The following CYFIP2 variants were observed in gnomAD, a reference collection of about 807,000 sequenced individuals.
CYFIP2 encodes the protein cytoplasmic FMR1 interacting protein 2.
CYFIP2 carries 29 observed loss-of-function variants against 158.7 expected under a neutral mutation model. That is an observed-to-expected ratio of 0.18 (90% CI 0.14 to 0.25). The LOEUF (loss-of-function observed/expected upper bound fraction) is 0.25, where lower values mean the gene tolerates loss of function less well. Ranked by LOEUF, CYFIP2 falls within the 10% of genes least tolerant of loss-of-function variation. The pLI is 1.00. For synonymous variants in CYFIP2, 585 were observed against 617.6 expected, an observed-to-expected ratio of 0.95 and a Z score of 0.78; for missense variants, 852 against 1,639.5, an observed-to-expected ratio of 0.52 and a Z score of 8.29.
intron 8 of CYFIP2, among the ~76,000 whole-genome samples, chr5:157,307,382 G>C (rs1446781879): frequency 1.3e-5 from 2 of 152,184 alleles, no homozygotes; most frequent in African/African-American, 2.4e-5. Context: ...CTGCTTCGCT[G>C]TGTGGCCTTG....
chr5:157,302,720 C>G (rs752338720), intron 6 of CYFIP2, 74 bp from the exon 7 acceptor site: 3 of 1,203,960 alleles, frequency 2.5e-6, no homozygotes, highest in Non-Finnish European at 3.5e-6. Flanking sequence ...GGTGGGCATG[C>G]GAGCCCGTGA....
chr5:157,375,502 G>T (rs1380640755), intron 26 of CYFIP2, among the ~76,000 whole-genome samples: 1 of 152,078 alleles, frequency 6.6e-6, no homozygotes, highest in African/African-American at 2.4e-5. Flanking sequence ...TTCAAGTCTT[G>T]CCTCTATACT....
Position 157,395,299 on chromosome 5 carries a change from T to TA in CYFIP2, c.*2301dup, listed in dbSNP as rs1370091532. On this transcript the variant is annotated 3_prime_UTR_variant, in exon 31 of 31. Coordinates refer to ENST00000620254, the MANE Select transcript of CYFIP2 (RefSeq NM_001037333.3). ...TCTTTTTATTTTTTTTGTGTGTGTC[T>TA]AATAACCAGGAAAAAAATAAAGCTT... 1.0e-5 allele frequency: 3 copies of TA among 287,366 alleles called. No individual in the cohort carries two copies. The highest frequency in any genetic ancestry group is 6.9e-5 in the African/African-American group (3 of 43,278). The allele number at this position is 287,366 out of a possible 1,614,324, so 17.8% of individuals were successfully genotyped here.
In CYFIP2 at chr5:157,332,082, T is replaced by C. The variant is rs1280686838; in HGVS notation, c.2265+1232T>C. 3.3e-5 allele frequency among the ~76,000 whole-genome samples: 5 copies of C among 152,168 alleles called. No individual in the cohort carries two copies. In the East Asian group the frequency reaches 9.6e-4, roughly 29 times the overall value. ...CAGCTGCTGTGCCCTGGTGACTGAATTGAGTGCAAGAAAGATGGCAGAAAG... is the reference window on the plus strand; with the variant it reads ...CAGCTGCTGTGCCCTGGTGACTGAACTGAGTGCAAGAAAGATGGCAGAAAG... On this transcript the variant is annotated intron_variant, in intron 20 of 30. Coordinates refer to ENST00000620254, the MANE Select transcript of CYFIP2 (RefSeq NM_001037333.3).
At chr5:157,290,790 G>A (rs1757762718) in intron 3 of CYFIP2, among the ~76,000 whole-genome samples, 2 of 152,218 alleles carry the variant, frequency 1.3e-5, no homozygotes, top group Non-Finnish European at 1.5e-5. Context: ...TAGCAGCAAT[G>A]TGGGTGTATG....
chr5:157,286,552 GTA>G (rs34826918), intron 2 of CYFIP2, among the ~76,000 whole-genome samples: 42,734 of 137,620 alleles, frequency 0.31, 7,018 homozygotes, highest in East Asian at 0.62. Context: ...GCTATTTTAT[GTA>G]TATATATATA....
In CYFIP2 at chr5:157,375,451, T is replaced by C. The variant is rs369425079; in HGVS notation, c.3040-7139T>C. On this transcript the variant is annotated intron_variant, in intron 26 of 30. Transcript: ENST00000620254. ...TGATTTCAGGTTGATTTCCATGGTC[T>C]CCACTGGAAACCATGTATCTTTGGA... Among the ~76,000 whole-genome samples, 38 of 152,242 alleles carry C rather than the reference T, an allele frequency of 2.5e-4. 1 individual carries two copies. In the South Asian group the frequency reaches 7.9e-3, roughly 32 times the overall value.
chr5:157,321,702 C>T (rs1760605298), intron 15 of CYFIP2, among the ~76,000 whole-genome samples: 2 of 152,044 alleles, frequency 1.3e-5, no homozygotes, highest in South Asian at 2.1e-4. Flanking sequence ...GGCCCACCCC[C>T]GACCCTTCTC....
chr5:157,364,201 TGGCGGGGGG>T (rs1764135114), intron 26 of CYFIP2: 1 of 15,114 alleles, frequency 6.6e-5, no homozygotes, highest in South Asian at 1.5e-3. Context: ...TGGGGCGGGG[TGGCGGGGGG>T]GGGTGGGTCC....
At chr5:157,328,136 C>A in intron 19 of CYFIP2, 87 bp downstream of exon 19, 1 of 1,287,812 alleles carries the variant, frequency 7.8e-7, no homozygotes, top group Non-Finnish European at 1.1e-6. Context: ...CTCCCTTCTT[C>A]TTTAGCACCT....
At chr5:157,296,902 A>G in intron 5 of CYFIP2, 128 bp downstream of exon 5, 1 of 711,298 alleles carries the variant, frequency 1.4e-6, no homozygotes, top group Admixed American at 2.8e-5. Flanking sequence ...TGTGCCCTAC[A>G]CATCCCTGGG....
At chr5:157,305,739 T>TC (rs1197243002) in intron 8 of CYFIP2, among the ~76,000 whole-genome samples, 1 of 152,234 alleles carries the variant, frequency 6.6e-6, no homozygotes, top group Non-Finnish European at 1.5e-5. Flanking sequence ...GGTCTTGAAC[T>TC]CCTGGGCTCA....
At chr5:157,289,849 A>G (rs1201302213) in intron 3 of CYFIP2, among the ~76,000 whole-genome samples, 1 of 152,264 alleles carries the variant, frequency 6.6e-6, no homozygotes, top group Non-Finnish European at 1.5e-5. Context: ...CTTTATCCTT[A>G]AAAGAGATAT....
chr5:157,304,901 A>G (rs1023461065), intron 8 of CYFIP2: 1 of 152,162 alleles, frequency 6.6e-6, no homozygotes, highest in Non-Finnish European at 1.5e-5. Flanking sequence ...GTAGTCTCTC[A>G]CCCACCTCCC....
chr5:157,395,580 A>G lies in CYFIP2; in HGVS notation c.*2580A>G, dbSNP rs1195898403. On this transcript the variant is annotated 3_prime_UTR_variant, in exon 31 of 31. Transcript: ENST00000620254. Reference sequence around the variant, plus strand: ...TTCCATCTTCATTAAAACTGCTTCCAAACTAGTAAAACCAGCAACTTGGTC... The same window carrying G: ...TTCCATCTTCATTAAAACTGCTTCCGAACTAGTAAAACCAGCAACTTGGTC... The G allele has an allele frequency of 1.6e-6, 2 of 1,286,092 alleles. No individual in the cohort carries two copies. The highest frequency in any genetic ancestry group is 2.0e-6 in the Non-Finnish European group (2 of 985,670). 79.7% of individuals were successfully genotyped at this position (1,286,092 alleles called of 1,614,324 possible).
chr5:157,370,195 A>G (rs1382355574), intron 26 of CYFIP2, among the ~76,000 whole-genome samples: 2 of 152,124 alleles, frequency 1.3e-5, no homozygotes, highest in Non-Finnish European at 2.9e-5. Flanking sequence ...AGATGTTTTA[A>G]AAGCTCCACA....
Position 157,389,342 on chromosome 5 carries a change from G to A in CYFIP2, c.3361G>A (p.Asp1121Asn), listed in dbSNP as rs758101660. ...GCCCACCAATGGCGTCATGCACGTC[G>A]ATGAGTGTGTGGAGTTCCACCGGCT... Reference protein sequence around the residue: ...PPPTNGVMHVDECVEFHRLWS... With the variant: ...PPPTNGVMHVNECVEFHRLWS... Residue 1121 changes from aspartate (D) to asparagine (N), a missense_variant, in exon 29 of 31, where the codon GAT (aspartate) becomes AAT (asparagine). Physicochemically the swap from Asp to Asn is conservative, Grantham distance 23 (BLOSUM62 1). Coordinates refer to ENST00000620254, the MANE Select transcript of CYFIP2 (RefSeq NM_001037333.3). The A allele has an allele frequency of 4.3e-6, 7 of 1,613,852 alleles. No homozygotes were observed. Among genetic ancestry groups the A allele is most frequent in the Non-Finnish European group, 4.2e-6 (5 of 1,179,870 alleles).
At chr5:157,344,153 A>G (rs961376134) in intron 23 of CYFIP2, among the ~76,000 whole-genome samples, 9 of 152,118 alleles carry the variant, frequency 5.9e-5, no homozygotes, top group Non-Finnish European at 1.3e-4. Flanking sequence ...TTGTTTTTTC[A>G]AAGCCAGCGG....
Position 157,390,533 on chromosome 5 carries a change from C to T in CYFIP2, c.3459C>T (p.Gly1153=), listed in dbSNP as rs368047583. 3.2e-6 allele frequency: 5 copies of T among 1,550,394 alleles called. No individual in the cohort carries two copies. The highest frequency in any genetic ancestry group is 2.7e-5 in the African/African-American group (2 of 73,090). Residue 1153 remains glycine, a synonymous_variant, in exon 30 of 31, where the codon GGC becomes GGT. Coordinates refer to ENST00000620254, the MANE Select transcript of CYFIP2 (RefSeq NM_001037333.3). ...CCCCTGCTCCCAGGCAGTGTTTCGG[C>T]GATGGCTTGAACTGGGCTGGTTGCT... ...TNEFTAEQCF[G]DGLNWAGCSI...
Sources: allele counts gnomAD v4.1 joint callset (sites outside exome capture counted in the v4.1 genomes callset), GRCh38; gene constraint gnomAD v4.1.1; transcripts MANE v1.5; gene names NCBI Gene and HGNC (gene_info 2026-07-23, HGNC 2026-07-21).